TLK1: variants seen among roughly 807,000 people sequenced by gnomAD.
TLK1 encodes the protein tousled like kinase 1, also known as serine/threonine-protein kinase tousled-like 1.
A neutral mutation model predicts 105.3 loss-of-function variants in TLK1; 24 were observed. The ratio of observed to expected loss-of-function variants is 0.23; its 90% confidence interval spans 0.17 to 0.32. The LOEUF (loss-of-function observed/expected upper bound fraction) is 0.32. TLK1 is among the 10% of genes least tolerant of loss of function. The pLI, the probability that TLK1 is intolerant of heterozygous loss-of-function variation, is 1.00. For synonymous variants in TLK1, 321 were observed against 310.4 expected (o/e 1.03, Z -0.36); for missense variants, 558 against 910.5 (o/e 0.61, Z 4.98).
chr2:171,120,029 T>C (rs887595721), intron 1 of TLK1, among the ~76,000 whole-genome samples: 2 of 151,958 alleles, frequency 1.3e-5, no homozygotes, highest in African/African-American at 4.8e-5. Context: ...GGCAGATCAC[T>C]TGAGGTCAGC....
chr2:171,074,589 T>C (rs1410800160), intron 3 of TLK1, among the ~76,000 whole-genome samples: 2 of 144,448 alleles, frequency 1.4e-5, no homozygotes, highest in African/African-American at 5.2e-5. Flanking sequence ...ATCGTGCCAT[T>C]GCACTCCAAC....
intron 1 of TLK1, among the ~76,000 whole-genome samples, chr2:171,131,338 C>G (rs569462690): frequency 6.6e-5 from 10 of 152,260 alleles, no homozygotes; most frequent in African/African-American, 2.4e-4. Context: ...CCCCTAGTGT[C>G]CTCACAAATT....
intron 18 of TLK1, among the ~76,000 whole-genome samples, chr2:171,004,983 C>T (rs547943593): frequency 1.3e-5 from 2 of 152,218 alleles, no homozygotes; most frequent in South Asian, 2.1e-4. Context: ...ATGACTAATC[C>T]CTGCTCATTA....
intron 1 of TLK1, among the ~76,000 whole-genome samples, chr2:171,209,748 C>A (rs1235003297): frequency 6.6e-6 from 1 of 152,064 alleles, no homozygotes; most frequent in African/African-American, 2.4e-5. Flanking sequence ...AGAATATGTA[C>A]GAAGTGAAGA....
intron 2 of TLK1, among the ~76,000 whole-genome samples, chr2:171,116,110 G>C (rs11678740): frequency 0.23 from 34,863 of 152,002 alleles, 4,927 homozygotes; most frequent in Middle Eastern, 0.37. Context: ...CAAAACTTTG[G>C]AGATACAAAC....
chr2:171,184,642 CAAA>C (rs140562844), intron 1 of TLK1, among the ~76,000 whole-genome samples: 3 of 52,258 alleles, frequency 5.7e-5, no homozygotes, highest in Admixed American at 2.1e-4. Context: ...AACTCCGTCT[CAAA>C]AAAAAAAAAA....
chr2:171,107,173 C>T lies in TLK1; in HGVS notation c.258+10566G>A, dbSNP rs80092325. Among the ~76,000 whole-genome samples the T allele has an allele frequency of 1.1e-3, 169 of 152,278 alleles. No individual in the cohort carries two copies. The Middle Eastern group carries it at 0.014, about 12-fold the overall frequency. On this transcript the variant is annotated intron_variant, in intron 2 of 20. Transcript: ENST00000431350. ...AATCAAATATTTCCAGCATTAAAAA[C>T]AGAGGTGATTTGTGTAACTCCTACT...
chr2:171,150,592 C>A (rs1486216396), intron 1 of TLK1, among the ~76,000 whole-genome samples: 2 of 152,192 alleles, frequency 1.3e-5, no homozygotes, highest in Admixed American at 1.3e-4. Flanking sequence ...AATTGATTAC[C>A]AACAACACAA....
rs180995782 is a variant in TLK1 at position 171,026,180 on chromosome 2, T to C, written c.1236+2159A>G. 8.9e-4 allele frequency among the ~76,000 whole-genome samples: 135 copies of C among 152,218 alleles called. 1 individual carries two copies. Among genetic ancestry groups the C allele is most frequent in the Non-Finnish European group, 1.5e-3 (102 of 67,990 alleles). On this transcript the variant is annotated intron_variant, in intron 12 of 20. Coordinates refer to ENST00000431350, the MANE Select transcript of TLK1 (RefSeq NM_012290.5). ...AAAAAGATTATGGAAGGGATAATTA[T>C]TGGAAAGAGTAAGTAAATACGAAAA...
intron 1 of TLK1, among the ~76,000 whole-genome samples, chr2:171,142,688 CT>C (rs1156513818): frequency 1.3e-4 from 20 of 152,108 alleles, no homozygotes; most frequent in Admixed American, 1.3e-3. Flanking sequence ...TTTAACAAAC[CT>C]TTGTCTGAAT....
At chr2:171,092,618 A>G (rs544270167) in intron 2 of TLK1, among the ~76,000 whole-genome samples, 1 of 152,292 alleles carries the variant, frequency 6.6e-6, no homozygotes, top group East Asian at 1.9e-4. Flanking sequence ...TGTGGGTTAA[A>G]CCTGCAAACT....
At chr2:171,067,846 C>T (rs1017890590) in intron 3 of TLK1, among the ~76,000 whole-genome samples, 2 of 151,996 alleles carry the variant, frequency 1.3e-5, no homozygotes, top group African/African-American at 4.8e-5. Flanking sequence ...TGTTCAACTC[C>T]CACTTAAGAG....
intron 14 of TLK1, among the ~76,000 whole-genome samples, chr2:171,009,291 CTTTTTTTTTTTT>C (rs71008743): frequency 2.5e-4 from 19 of 74,834 alleles, no homozygotes; most frequent in East Asian, 1.4e-3. Context: ...ATTTCTTTTC[CTTTTTTTTTTTT>C]TTTTTTTTTT....
chr2:171,230,385 C>T (rs1362369927), intron 1 of TLK1, among the ~76,000 whole-genome samples: 4 of 152,172 alleles, frequency 2.6e-5, no homozygotes, highest in Non-Finnish European at 5.9e-5. Context: ...AGTCATAAGA[C>T]TTTTAAGACT....
chr2:171,078,547 A>G (rs910954291), intron 3 of TLK1, among the ~76,000 whole-genome samples: 2 of 152,172 alleles, frequency 1.3e-5, no homozygotes, highest in African/African-American at 4.8e-5. Context: ...AAAAAGAAAA[A>G]AAAAAAATCT....
At chr2:171,045,040 G>A (rs1686881561) in intron 11 of TLK1, among the ~76,000 whole-genome samples, 2 of 151,894 alleles carry the variant, frequency 1.3e-5, no homozygotes, top group East Asian at 3.9e-4. Context: ...TTGAGGGAGA[G>A]TTTTTTAATG....
At chr2:171,010,620 A>C (rs1431013787) in intron 14 of TLK1, among the ~76,000 whole-genome samples, 1 of 138,822 alleles carries the variant, frequency 7.2e-6, no homozygotes, top group Non-Finnish European at 1.5e-5. Flanking sequence ...ATACAACATA[A>C]AGTACAAAAA....
intron 20 of TLK1, 53 bp from the exon 21 acceptor site, chr2:170,994,009 T>G: frequency 6.6e-7 from 1 of 1,510,662 alleles, no homozygotes; most frequent in Non-Finnish European, 8.9e-7. Flanking sequence ...CCCTTCTAAA[T>G]ATCAATCAAC....
At chr2:171,032,774 T>C in intron 11 of TLK1, among the ~76,000 whole-genome samples, 1 of 151,960 alleles carries the variant, frequency 6.6e-6, no homozygotes. Flanking sequence ...GAGGAAAGAA[T>C]AATCTCTTCA....
Sources: allele counts gnomAD v4.1 joint callset (sites outside exome capture counted in the v4.1 genomes callset), GRCh38; gene constraint gnomAD v4.1.1; transcripts MANE v1.5; gene names NCBI Gene and HGNC (gene_info 2026-07-23, HGNC 2026-07-21).